Variants in HYDIN observed in about 807,000 individuals in gnomAD.
HYDIN encodes HYDIN axonemal central pair apparatus protein.
Under a neutral mutation model 403.9 loss-of-function variants are expected in HYDIN, and 132 were observed. The ratio of observed to expected loss-of-function variants is 0.33; its 90% confidence interval spans 0.28 to 0.38. HYDIN has a LOEUF of 0.38. Ranked by LOEUF, HYDIN falls within the 10% of genes least tolerant of loss-of-function variation. The probability of loss-of-function intolerance (pLI) is 1.00; values close to 1 mark genes in which losing one functional copy is unlikely to be tolerated. For synonymous variants in HYDIN, 1,202 were observed against 1,891.7 expected (o/e 0.64, Z 9.46); for missense variants, 2,827 against 5,009.5 (o/e 0.56, Z 13.15).
chr16:70,840,621 A>G (rs1247633179), intron 75 of HYDIN, among the ~76,000 whole-genome samples: 4 of 152,246 alleles, frequency 2.6e-5, no homozygotes, highest in Admixed American at 1.3e-4. Flanking sequence ...GCCATCAGAC[A>G]TAGTTCCAGT....
rs757662209 is a variant in HYDIN at position 71,069,291 on chromosome 16, G to A, written c.1950C>T (p.Arg650=). 20 of 1,613,304 alleles carry A rather than the reference G, an allele frequency of 1.2e-5. No individual in the cohort carries two copies. The Admixed American group carries it at 3.0e-4, about 24-fold the overall frequency. The change falls in exon 14 of 86, where the codon CGC becomes CGT. Residue 650 remains arginine (R), a synonymous_variant. Transcript: ENST00000393567. ...CCCTGATAGCAGCAAATCCCTGGGG[G>A]CGAATGGTGCCACAGTCAGGAGAGA... ...FTISPDCGTI[R]PQGFAAIRVT... is the part of the protein sequence containing the mutation.
chr16:71,087,651 A>G (rs868790231), intron 12 of HYDIN: 4 of 133,612 alleles, frequency 3.0e-5, no homozygotes, highest in African/African-American at 1.1e-4. Flanking sequence ...TGTATAGTAT[A>G]TATCATGAGA....
At chr16:70,980,903 G>A (rs1221863815) in intron 29 of HYDIN, among the ~76,000 whole-genome samples, 2 of 152,110 alleles carry the variant, frequency 1.3e-5, no homozygotes, top group Non-Finnish European at 2.9e-5. Flanking sequence ...GGAAATGTAA[G>A]TGGGAAGACA....
chr16:70,884,810 G>A (rs1352412970), intron 58 of HYDIN, among the ~76,000 whole-genome samples: 1 of 152,222 alleles, frequency 6.6e-6, no homozygotes, highest in African/African-American at 2.4e-5. Context: ...ACCGTAGAAT[G>A]TGCTGACAAT....
At chr16:71,059,533 G>A (rs1005624204) in intron 18 of HYDIN, among the ~76,000 whole-genome samples, 1 of 151,828 alleles carries the variant, frequency 6.6e-6, no homozygotes, top group African/African-American at 2.4e-5. Context: ...CAGCAACATG[G>A]ATGGAGCTGG....
intron 44 of HYDIN, among the ~76,000 whole-genome samples, chr16:70,937,137 CAT>C (rs1491284446): frequency 4.1e-5 from 6 of 147,212 alleles, no homozygotes; most frequent in Non-Finnish European, 8.8e-5. Context: ...TGTGTGTGTG[CAT>C]GTGTGTGTGT....
At chr16:71,191,798 ACAGGCACCTCAAG>A (rs1276937317) in intron 1 of HYDIN, among the ~76,000 whole-genome samples, 1 of 152,132 alleles carries the variant, frequency 6.6e-6, no homozygotes, top group Non-Finnish European at 1.5e-5. Context: ...TAGGGTGTCC[ACAGGCACCTCAAG>A]CTCAGCATGT....
At chr16:70,811,815 C>G (rs2035525115) in intron 84 of HYDIN, among the ~76,000 whole-genome samples, 2 of 149,960 alleles carry the variant, frequency 1.3e-5, no homozygotes, top group South Asian at 4.2e-4. Flanking sequence ...CGAGATCACG[C>G]CATTGCACTC....
At chr16:70,949,071 A>G (rs1459138428) in intron 41 of HYDIN, among the ~76,000 whole-genome samples, 1 of 151,856 alleles carries the variant, frequency 6.6e-6, no homozygotes, top group Non-Finnish European at 1.5e-5. Context: ...ATGTCCAACA[A>G]TGATAGACTA....
At chr16:70,877,189 G>A (rs1180550831) in intron 62 of HYDIN, among the ~76,000 whole-genome samples, 2 of 147,440 alleles carry the variant, frequency 1.4e-5, no homozygotes, top group Admixed American at 1.3e-4. Flanking sequence ...AATATAGTGA[G>A]ACTAGAGACA....
chr16:70,955,538 G>C lies in HYDIN; in HGVS notation c.6153C>G (p.Ala2051=). ...IHGTPLSGKS[A]NAVSVAKYYN... The stretch of plus-strand genomic sequence containing the variant: ...AGTACTTGGCCACGCTAACGGCATT[G>C]GCTGACTTTCCTATTAAAAAGACCA... The change falls in exon 40 of 86, where the codon GCC becomes GCG. Residue 2051 remains alanine, a synonymous_variant. Transcript: ENST00000393567. 6.8e-7 allele frequency: 1 copy of C among 1,466,852 alleles called. No homozygotes were observed. Among genetic ancestry groups the C allele is most frequent in the Non-Finnish European group, 9.4e-7 (1 of 1,059,910 alleles). 90.9% of individuals were successfully genotyped at this position (1,466,852 alleles called of 1,614,324 possible). A position where few individuals can be genotyped will look rare whatever the true frequency, so the allele number is the denominator to read the frequency against.
intron 43 of HYDIN, among the ~76,000 whole-genome samples, chr16:70,939,646 G>A (rs538712941): frequency 6.6e-6 from 1 of 152,188 alleles, no homozygotes; most frequent in African/African-American, 2.4e-5. Flanking sequence ...CCCTTAATAA[G>A]TGGCAGGGAA....
chr16:71,185,398 C>T (rs2087097792), intron 2 of HYDIN, among the ~76,000 whole-genome samples: 1 of 152,184 alleles, frequency 6.6e-6, no homozygotes, highest in African/African-American at 2.4e-5. Flanking sequence ...ACCTCTATTT[C>T]TCAACTAACA....
At position 70,807,648 on chromosome 16, in the gene HYDIN, A is replaced by T; in HGVS notation, c.15298T>A (p.Cys5100Ser). 5 of 1,614,178 alleles carry T rather than the reference A, an allele frequency of 3.1e-6. No homozygotes were observed. The South Asian group carries it at 4.4e-5, about 14-fold the overall frequency. ...TPITTKLTVS[C>S]PPGEGSETGV... ...GTCTCACTCCCTTCACCAGGAGGGC[A>T]GCTCACAGTCAGCTTGGTGGTGATG... Residue 5100 changes from cysteine (C) to serine (S), a missense_variant, in exon 86 of 86, where the codon TGC (cysteine) becomes AGC (serine). Coordinates refer to ENST00000393567, the MANE Select transcript of HYDIN (RefSeq NM_001270974.2).
intron 77 of HYDIN, among the ~76,000 whole-genome samples, chr16:70,836,364 G>A (rs962398009): frequency 1.3e-5 from 2 of 152,222 alleles, no homozygotes; most frequent in African/African-American, 4.8e-5. Context: ...TGCTGAGTGA[G>A]AAGTGGGAAA....
intron 84 of HYDIN, among the ~76,000 whole-genome samples, chr16:70,810,600 G>C (rs938478356): frequency 3.9e-5 from 6 of 152,208 alleles, no homozygotes; most frequent in Non-Finnish European, 8.8e-5. Context: ...GGGAGGCTGA[G>C]GCGGGTGGAT....
intron 41 of HYDIN, among the ~76,000 whole-genome samples, chr16:70,945,994 T>C (rs1259068009): frequency 3.3e-5 from 5 of 151,198 alleles, no homozygotes; most frequent in Non-Finnish European, 7.4e-5. Flanking sequence ...GAGGGGGATG[T>C]GGGGTCACGG....
At chr16:71,189,898 T>G (rs897896754) in intron 1 of HYDIN, among the ~76,000 whole-genome samples, 5 of 152,108 alleles carry the variant, frequency 3.3e-5, no homozygotes, top group African/African-American at 1.2e-4. Flanking sequence ...ATATTAGTAA[T>G]AATATTTTTA....
Position 70,809,839 on chromosome 16 carries a change from T to G in HYDIN, c.14827A>C (p.Ile4943Leu), listed in dbSNP as rs1567637188. ...HFQTVLGSSQ[I>L]ILVKFINYTR... The stretch of plus-strand genomic sequence containing the variant: ...TAATTGATGAACTTCACAAGGATGA[T>G]TTGGCTGCTGCCAAGGACAGTCTGG... The change falls in exon 85 of 86, where the codon ATC becomes CTC. Residue 4943 changes from isoleucine to leucine, a missense_variant. Physicochemically the swap from Ile to Leu is conservative, Grantham distance 5 (BLOSUM62 2). Transcript: ENST00000393567. 1.2e-6 allele frequency: 2 copies of G among 1,614,208 alleles called. No individual in the cohort carries two copies. The highest frequency in any genetic ancestry group is 1.7e-6 in the Non-Finnish European group (2 of 1,180,030).
Sources: allele counts gnomAD v4.1 joint callset (sites outside exome capture counted in the v4.1 genomes callset), GRCh38; gene constraint gnomAD v4.1.1; transcripts MANE v1.5; gene names NCBI Gene and HGNC (gene_info 2026-07-23, HGNC 2026-07-21).